WDR27: variants seen among roughly 807,000 people sequenced by gnomAD.
WDR27 encodes WD repeat domain 27.
Under a neutral mutation model 114.4 loss-of-function variants are expected in WDR27, and 100 were observed. That is an observed-to-expected ratio of 0.87 (90% confidence interval 0.74 to 1.03). The LOEUF (loss-of-function observed/expected upper bound fraction) is 1.03, where lower values mean the gene tolerates loss of function less well. WDR27 is among the 50% of genes least tolerant of loss of function. The probability of loss-of-function intolerance (pLI) is 0.00; values close to 1 mark genes in which losing one functional copy is unlikely to be tolerated. For synonymous variants in WDR27, 449 were observed against 423.1 expected, an observed-to-expected ratio of 1.06 and a Z score of -0.75; for missense variants, 1,129 against 1,092.9, an observed-to-expected ratio of 1.03 and a Z score of -0.47.
At chr6:169,467,632 C>A (rs938593252) in intron 25 of WDR27, among the ~76,000 whole-genome samples, 1 of 152,212 alleles carries the variant, frequency 6.6e-6, no homozygotes, top group African/African-American at 2.4e-5. Context: ...CCTGAGACTG[C>A]ACAAAGCAGC....
intron 25 of WDR27, among the ~76,000 whole-genome samples, chr6:169,523,284 C>G (rs1794605912): frequency 6.6e-6 from 1 of 151,878 alleles, no homozygotes; most frequent in South Asian, 2.1e-4. Context: ...GTAATGAGAT[C>G]AAAGCTGTAA....
intron 23 of WDR27, 130 bp downstream of exon 23, chr6:169,602,089 G>C: frequency 1.8e-6 from 1 of 548,258 alleles, no homozygotes; most frequent in Non-Finnish European, 3.1e-6. Flanking sequence ...TACTGTGTAA[G>C]AGTCTTAAAA....
chr6:169,644,417 A>G (rs951648572), intron 16 of WDR27, among the ~76,000 whole-genome samples: 1 of 150,596 alleles, frequency 6.6e-6, no homozygotes, highest in Non-Finnish European at 1.5e-5. Context: ...CGAAAATCCT[A>G]GTTCACAGGA....
intron 24 of WDR27, among the ~76,000 whole-genome samples, chr6:169,578,149 T>G (rs932093116): frequency 6.6e-6 from 1 of 152,158 alleles, no homozygotes. Flanking sequence ...GAAACGCAGG[T>G]CCTTCTGAGA....
intron 25 of WDR27, among the ~76,000 whole-genome samples, chr6:169,537,586 T>C (rs1285489997): frequency 6.6e-6 from 1 of 151,816 alleles, no homozygotes; most frequent in Non-Finnish European, 1.5e-5. Flanking sequence ...GGAGAGTGGA[T>C]GGAGGGTGGA....
chr6:169,679,104 T>C (rs1780815438), intron 2 of WDR27, among the ~76,000 whole-genome samples: 1 of 152,222 alleles, frequency 6.6e-6, no homozygotes, highest in Admixed American at 6.5e-5. Context: ...TAAATTTACC[T>C]ATAGCCTGGA....
downstream of WDR27, among the ~76,000 whole-genome samples, chr6:169,454,628 A>AC (rs1308661161): frequency 6.6e-6 from 1 of 151,806 alleles, no homozygotes; most frequent in African/African-American, 2.4e-5. Flanking sequence ...TGTTCAGACC[A>AC]CCCCCCTTGG....
intron 25 of WDR27, among the ~76,000 whole-genome samples, chr6:169,530,356 T>G (rs907102450): frequency 1.3e-5 from 2 of 152,232 alleles, no homozygotes; most frequent in Admixed American, 6.5e-5. Context: ...AAAACAGAGA[T>G]GAAAACAAGT....
the WDR27 span, among the ~76,000 whole-genome samples, chr6:169,448,431 T>C: frequency 3.3e-5 from 5 of 151,886 alleles, no homozygotes; most frequent in African/African-American, 1.2e-4. Flanking sequence ...TGTATATATA[T>C]ATATTTTTTT....
At chr6:169,551,767 G>C (rs1358608753) in intron 25 of WDR27, among the ~76,000 whole-genome samples, 3 of 145,786 alleles carry the variant, frequency 2.1e-5, no homozygotes, top group African/African-American at 7.5e-5. Flanking sequence ...AAAAAGAAAA[G>C]AAAAGAAAAA....
downstream of WDR27, among the ~76,000 whole-genome samples, chr6:169,456,684 G>T (rs538551324): frequency 6.6e-6 from 1 of 152,270 alleles, no homozygotes. This position sits in a 1 kb window ranked among gnomAD's most constrained non-coding sequence, Gnocchi z 4.0. Flanking sequence ...GCCATGCTGT[G>T]CACAGAGACA....
intron 17 of WDR27, among the ~76,000 whole-genome samples, chr6:169,641,405 C>G (rs545253425): frequency 6.6e-6 from 1 of 152,220 alleles, no homozygotes; most frequent in Admixed American, 6.5e-5. Flanking sequence ...GATCTCCTCA[C>G]GGTACGGAAG....
chr6:169,443,095 G>A, the WDR27 span, among the ~76,000 whole-genome samples: 1 of 152,312 alleles, frequency 6.6e-6, no homozygotes, highest in Admixed American at 6.5e-5. Context: ...CAAGGAAAGT[G>A]GGCTGAGGTT....
At chr6:169,498,172 T>G (rs114859865) in intron 25 of WDR27, among the ~76,000 whole-genome samples, 5 of 152,042 alleles carry the variant, frequency 3.3e-5, no homozygotes, top group African/African-American at 1.2e-4. Flanking sequence ...AAATGCTATA[T>G]GATTCTATTT....
intron 25 of WDR27, among the ~76,000 whole-genome samples, chr6:169,533,508 A>C (rs1209942727): frequency 2.0e-5 from 3 of 152,200 alleles, no homozygotes; most frequent in Non-Finnish European, 2.9e-5. Flanking sequence ...GAAGTTCCCT[A>C]AAGACAGCAG....
intron 13 of WDR27, among the ~76,000 whole-genome samples, chr6:169,656,403 G>T (rs142061039): frequency 6.6e-6 from 1 of 152,152 alleles, no homozygotes; most frequent in Non-Finnish European, 1.5e-5. Flanking sequence ...GGTTTCCCTG[G>T]GGACCTGCCT....
At chr6:169,670,142 C>T (rs966272586) in intron 4 of WDR27, 6 of 157,318 alleles carry the variant, frequency 3.8e-5, no homozygotes, top group Admixed American at 3.8e-4. Flanking sequence ...CACACGAGGT[C>T]GAAATCACAC....
chr6:169,593,859 A>G (rs1806252301), intron 23 of WDR27, among the ~76,000 whole-genome samples: 1 of 59,548 alleles, frequency 1.7e-5, no homozygotes, highest in African/African-American at 4.1e-5. Context: ...AAAAAAACAA[A>G]CAAACAAACA....
chr6:169,619,549 C>T (rs1447141579), intron 21 of WDR27, among the ~76,000 whole-genome samples: 1 of 152,176 alleles, frequency 6.6e-6, no homozygotes, highest in Non-Finnish European at 1.5e-5. Context: ...CAATCAAAGA[C>T]ATTTCAGAAA....
Sources: allele counts gnomAD v4.1 joint callset (sites outside exome capture counted in the v4.1 genomes callset), GRCh38; gene constraint gnomAD v4.1.1; non-coding constraint Gnocchi (gnomAD v3.1); transcripts MANE v1.5; gene names NCBI Gene and HGNC (gene_info 2026-07-23, HGNC 2026-07-21).